The following MICALL2 variants were observed in gnomAD, a reference collection of about 807,000 sequenced individuals.
MICALL2 encodes MICAL like 2, also known as MICAL-like protein 2.
A neutral mutation model predicts 91.1 loss-of-function variants in MICALL2; 111 were observed. The ratio of observed to expected loss-of-function variants is 1.22; its 90% confidence interval spans 1.04 to 1.43. MICALL2 has a LOEUF of 1.43. Ranked by LOEUF, MICALL2 falls within the 40% of genes most tolerant of loss-of-function variation. The pLI is 0.00. For missense variants in MICALL2, 1,556 were observed against 1,236.0 expected, an observed-to-expected ratio of 1.26 and a Z score of -3.88; for synonymous variants, 694 against 525.3, an observed-to-expected ratio of 1.32 and a Z score of -4.39.
intron 15 of MICALL2, 24 bp downstream of exon 15, chr7:1,436,718 G>A (rs1779983233): frequency 6.3e-7 from 1 of 1,579,162 alleles, no homozygotes; most frequent in Non-Finnish European, 8.6e-7. Flanking sequence ...TGGCTGGGAG[G>A]GGCCCCCGGC....
At chr7:1,445,487 AC>A (rs1371459876) in intron 5 of MICALL2, 59 bp from the exon 6 acceptor site, 1 of 1,416,076 alleles carries the variant, frequency 7.1e-7, no homozygotes, top group Non-Finnish European at 9.3e-7. Flanking sequence ...CCACGCATTC[AC>A]CACGTGCTCC....
intron 2 of MICALL2, among the ~76,000 whole-genome samples, chr7:1,449,248 C>T (rs1780732044): frequency 6.6e-6 from 1 of 152,388 alleles, no homozygotes; most frequent in South Asian, 2.1e-4. Context: ...GCCGGCCAGG[C>T]ATGGCTGTGA....
chr7:1,437,464 CG>C, intron 14 of MICALL2, 70 bp downstream of exon 14: 1 of 1,363,782 alleles, frequency 7.3e-7, no homozygotes. Flanking sequence ...CTCACAGAGC[CG>C]GCCCCCAGAC....
Position 1,444,688 on chromosome 7 carries a change from G to C in MICALL2, c.1382C>G (p.Ser461Ter). 2 of 1,612,020 alleles carry C rather than the reference G, an allele frequency of 1.2e-6. No homozygotes were observed. Among genetic ancestry groups the C allele is most frequent in the Non-Finnish European group, 1.7e-6 (2 of 1,179,828 alleles). ...CGGAGCGCCAGCCTCTTCCAGCGCT[G>C]AGAGGGCCTGCTTGAGGAAGTTCCG... The part of the protein sequence containing the change: ...QARNFLKQAL[S>*]ALEEAGAPAP... Residue 461 changes from serine to a stop codon, truncating the protein, a stop_gained, in exon 6 of 17, where the codon TCA (serine) becomes TGA (stop). Transcript: ENST00000297508. LOFTEE classifies it high-confidence loss of function.
In MICALL2 at chr7:1,446,694, G is replaced by C; in HGVS notation, c.641+19C>G. Reference sequence around the variant, plus strand: ...AGGGGAGGTGCACACTCAGGCGTGCGGGCAGAGGGCAGCCCCACCTGAAGC... The same window carrying C: ...AGGGGAGGTGCACACTCAGGCGTGCCGGCAGAGGGCAGCCCCACCTGAAGC... On this transcript the variant is annotated intron_variant, in intron 5 of 16. Transcript: ENST00000297508. The C allele has an allele frequency of 6.4e-7, 1 of 1,553,908 alleles. No homozygotes were observed. The highest frequency in any genetic ancestry group is 8.7e-7 in the Non-Finnish European group (1 of 1,144,130).
rs1372892230 is a variant in MICALL2 at position 1,445,304 on chromosome 7, C to A, written c.766G>T (p.Val256Phe). ...CCCATGGCCCCTGGCTGTCGGGGGA[C>A]CAGACCCGTCAACTTGGGGCTTGCA... ...ASASPKLTGL[V>F]PRQPGAMGVD... The change falls in exon 6 of 17, where the codon GTC becomes TTC. Residue 256 changes from valine to phenylalanine, a missense_variant. Coordinates refer to ENST00000297508, the MANE Select transcript of MICALL2 (RefSeq NM_182924.4). 4 of 1,611,740 alleles carry A rather than the reference C, an allele frequency of 2.5e-6. No individual in the cohort carries two copies. Among genetic ancestry groups the A allele is most frequent in the Admixed American group, 1.7e-5 (1 of 59,958 alleles).
rs759073488 is a variant in MICALL2 at position 1,442,268 on chromosome 7, G to A, written c.1635C>T (p.Val545=). The A allele has an allele frequency of 4.9e-5, 79 of 1,612,874 alleles. No individual in the cohort carries two copies. The highest frequency in any genetic ancestry group is 3.3e-4 in the Middle Eastern group (2 of 6,058). Residue 545 remains valine, a synonymous_variant, in exon 7 of 17, where the codon GTC becomes GTT. Transcript: ENST00000297508. ...GCCTGGAGCCAGCACCCACCCTGCC[G>A]ACCCCTGAGGATTCCGCCAAGTTCC... is the stretch of plus-strand genomic sequence containing the variant. The part of the protein sequence containing the change: ...GRRNLAESSG[V]GRVGAGSRPK...
rs543940865 is a variant in MICALL2 at position 1,448,689 on chromosome 7, C to T, written c.265G>A (p.Val89Met). The T allele has an allele frequency of 1.9e-6, 3 of 1,612,760 alleles. No homozygotes were observed. Among genetic ancestry groups the T allele is most frequent in the Non-Finnish European group, 2.5e-6 (3 of 1,179,922 alleles). Residue 89 changes from valine to methionine, a missense_variant, in exon 3 of 17, where the codon GTG becomes ATG. Coordinates refer to ENST00000297508, the MANE Select transcript of MICALL2 (RefSeq NM_182924.4). ...LDAEDMVALKVPDRLSILTYV... is the reference protein window; with the variant it reads ...LDAEDMVALKMPDRLSILTYV... The stretch of plus-strand genomic sequence containing the variant: ...GTCAAGATGCTCAGCCGGTCAGGCA[C>T]CTTCAAGGCCACCATGTCCTCGGCA...
At chr7:1,438,757 C>T in intron 10 of MICALL2, 83 bp downstream of exon 10, 1 of 1,518,938 alleles carries the variant, frequency 6.6e-7, no homozygotes, top group Non-Finnish European at 8.8e-7. Context: ...ATGCATCCTC[C>T]AAAGCCCCAG....
Position 1,442,468 on chromosome 7 carries a change from C to T in MICALL2, c.1435G>A (p.Ala479Thr). ...PAPGRPSPAT[A>T]AVPSSQPKTE... ...TTGGGCTGAGAACTGGGAACAGCGG[C>T]AGTGGCTGGGGAGGGCCTATAAGTA... Residue 479 changes from alanine (A) to threonine (T), a missense_variant, in exon 7 of 17, where the codon GCC becomes ACC. Transcript: ENST00000297508. 1.3e-6 allele frequency: 2 copies of T among 1,534,278 alleles called. No homozygotes were observed. The highest frequency in any genetic ancestry group is 4.0e-5 in the Admixed American group (2 of 49,510).
In MICALL2 at chr7:1,439,707, G is replaced by A. The variant is rs757979985; in HGVS notation, c.1966+218C>T. ...CATGCGCACACATGCATCACGCATGGATACAGGCATCACATACATGAACAC... is the reference window on the plus strand; with the variant it reads ...CATGCGCACACATGCATCACGCATGAATACAGGCATCACATACATGAACAC... On this transcript the variant is annotated intron_variant, in intron 9 of 16. Transcript: ENST00000297508. The A allele has an allele frequency of 6.9e-6, 3 of 434,450 alleles. No individual in the cohort carries two copies. The Admixed American group carries it at 1.3e-4, about 19-fold the overall frequency. The allele number at this position is 434,450 out of a possible 1,614,324, so 26.9% of individuals were successfully genotyped here.
intron 1 of MICALL2, 32 bp from the exon 2 acceptor site, chr7:1,450,320 C>T (rs1780778923): frequency 1.2e-6 from 2 of 1,603,804 alleles, no homozygotes; most frequent in African/African-American, 1.3e-5. Flanking sequence ...TCCAAAGCAG[C>T]TCAGAGTCCA....
chr7:1,438,631 C>T (rs4585655), intron 10 of MICALL2: 264,647 of 1,421,596 alleles, frequency 0.19, 29,299 homozygotes, highest in African/African-American at 0.52. Flanking sequence ...TCCATCATCA[C>T]CATGAGTCTG....
At chr7:1,438,046 G>A (rs371476920) in intron 12 of MICALL2, 51 bp downstream of exon 12, 12 of 1,562,862 alleles carry the variant, frequency 7.7e-6, no homozygotes, top group African/African-American at 1.4e-5. Flanking sequence ...CCCCAGGACT[G>A]AGGGTGTCTG....
chr7:1,435,579 G>A (rs1440613501), intron 15 of MICALL2, among the ~76,000 whole-genome samples: 1 of 152,206 alleles, frequency 6.6e-6, no homozygotes, highest in Admixed American at 6.5e-5. Context: ...AAGGGCCTCG[G>A]CCGACCCATG....
At chr7:1,444,616 G>A (rs1350149573) in intron 6 of MICALL2, 36 bp downstream of exon 6, 3 of 1,584,834 alleles carry the variant, frequency 1.9e-6, no homozygotes, top group Non-Finnish European at 2.6e-6. Flanking sequence ...GTGCAAAGAG[G>A]CCATACCCGG....
intron 7 of MICALL2, chr7:1,441,807 A>G: frequency 3.9e-6 from 1 of 259,374 alleles, no homozygotes; most frequent in Non-Finnish European, 7.4e-6. Flanking sequence ...TCAAAGCGAC[A>G]GGCAGGAAGC....
intron 13 of MICALL2, 100 bp from the exon 14 acceptor site, chr7:1,437,708 G>T: frequency 7.4e-7 from 1 of 1,347,866 alleles, no homozygotes; most frequent in Non-Finnish European, 1.0e-6. Flanking sequence ...ACACAGACAC[G>T]AGTCTGAGGC....
At chr7:1,441,115 A>T in intron 7 of MICALL2, 1 of 176,776 alleles carries the variant, frequency 5.7e-6, no homozygotes, top group Non-Finnish European at 1.2e-5. Flanking sequence ...ATCTGGAAAA[A>T]CCCTTTGCAG....
Sources: allele counts gnomAD v4.1 joint callset (sites outside exome capture counted in the v4.1 genomes callset), GRCh38; gene constraint gnomAD v4.1.1; transcripts MANE v1.5; gene names NCBI Gene and HGNC (gene_info 2026-07-23, HGNC 2026-07-21).